The following KCND2 variants were observed in gnomAD, a reference collection of about 807,000 sequenced individuals.
KCND2 encodes the protein potassium voltage-gated channel subfamily D member 2.
A neutral mutation model predicts 54.4 loss-of-function variants in KCND2; 16 were observed. The observed-to-expected ratio is 0.29, with a 90% CI of 0.20 to 0.45. The LOEUF (loss-of-function observed/expected upper bound fraction) is 0.45, where lower values mean the gene tolerates loss of function less well. Ranked by LOEUF, KCND2 falls within the 20% of genes least tolerant of loss-of-function variation. The pLI is 1.00. For missense variants in KCND2, 486 were observed against 824.2 expected (o/e 0.59, Z 5.02); for synonymous variants, 317 against 310.7 (o/e 1.02, Z -0.21).
At chr7:120,679,471 T>C (rs1792113199) in intron 1 of KCND2, among the ~76,000 whole-genome samples, 2 of 151,904 alleles carry the variant, frequency 1.3e-5, no homozygotes, top group South Asian at 4.1e-4. Flanking sequence ...ATTAAAATGG[T>C]TTAATCTTTT....
At chr7:120,715,260 GA>G (rs1033854496) in intron 1 of KCND2, among the ~76,000 whole-genome samples, 7 of 149,358 alleles carry the variant, frequency 4.7e-5, no homozygotes, top group Admixed American at 6.7e-5. Flanking sequence ...GATTAATTCC[GA>G]AAAAAAAATA....
intron 1 of KCND2, among the ~76,000 whole-genome samples, chr7:120,470,407 A>G (rs970255375): frequency 6.6e-6 from 1 of 152,124 alleles, no homozygotes; most frequent in African/African-American, 2.4e-5. Context: ...ACTTTAACAT[A>G]GTGTGCCTTG....
rs751909741 is a variant in KCND2 at position 120,622,689 on chromosome 7, ACTCT to A, written c.1116-110190_1116-110187del. On this transcript the variant is annotated intron_variant, in intron 1 of 5. Transcript: ENST00000331113. ...TACACACACACACACACACACACAC[ACTCT>A]CTCTCTCTCTCTCTCTCTCTCTCAC... Among the ~76,000 whole-genome samples the A allele has an allele frequency of 5.7e-3, 718 of 125,926 alleles. 5 individuals are homozygous for A. The highest frequency in any genetic ancestry group is 0.053 in the Middle Eastern group (14 of 264). 82.6% of individuals were successfully genotyped at this position (125,926 alleles called of 152,430 possible).
intron 1 of KCND2, among the ~76,000 whole-genome samples, chr7:120,439,504 T>C (rs1801918814): frequency 6.6e-6 from 1 of 152,120 alleles, no homozygotes; most frequent in Admixed American, 6.5e-5. Flanking sequence ...TTTCTTTGTA[T>C]TGGGCACATT....
chr7:120,557,098 C>T (rs1386845958), intron 1 of KCND2, among the ~76,000 whole-genome samples: 6 of 152,106 alleles, frequency 3.9e-5, no homozygotes, highest in African/African-American at 1.2e-4. Flanking sequence ...ATGAGAAATG[C>T]TTATCAAAAC....
intron 1 of KCND2, among the ~76,000 whole-genome samples, chr7:120,277,755 A>G (rs1346530208): frequency 6.6e-6 from 1 of 151,964 alleles, no homozygotes; most frequent in Non-Finnish European, 1.5e-5. Context: ...AAAATATGAG[A>G]CAACATTAAA....
rs147384781 is a variant in KCND2 at position 120,508,958 on chromosome 7, G to A, written c.1116-223945G>A. Among the ~76,000 whole-genome samples, 1,208 of 147,488 alleles carry A rather than the reference G, an allele frequency of 8.2e-3. 9 individuals carry two copies. Among genetic ancestry groups the A allele is most frequent in the South Asian group, 0.027 (128 of 4,778 alleles). ...TGAACAGACTGCTTTGCCCTCAGCTGCACCATTTCCAGAGACTGGTGCTGA... is the reference window on the plus strand; with the variant it reads ...TGAACAGACTGCTTTGCCCTCAGCTACACCATTTCCAGAGACTGGTGCTGA... On this transcript the variant is annotated intron_variant, in intron 1 of 5. Coordinates refer to ENST00000331113, the MANE Select transcript of KCND2 (RefSeq NM_012281.3).
intron 1 of KCND2, among the ~76,000 whole-genome samples, chr7:120,697,600 T>G (rs1267251292): frequency 6.6e-6 from 1 of 152,102 alleles, no homozygotes. Flanking sequence ...CATAAAAACA[T>G]GAAAGGATAT....
chr7:120,400,587 A>G (rs1563033970), intron 1 of KCND2, among the ~76,000 whole-genome samples: 3 of 148,102 alleles, frequency 2.0e-5, no homozygotes, highest in Non-Finnish European at 4.4e-5. Context: ...AATAAAGTAA[A>G]TAATTATTTA....
intron 1 of KCND2, among the ~76,000 whole-genome samples, chr7:120,507,534 T>G (rs1169215829): frequency 6.6e-6 from 1 of 151,946 alleles, no homozygotes; most frequent in East Asian, 1.9e-4. Context: ...ATTTTCCTTA[T>G]GGAATGTGAA....
intron 1 of KCND2, among the ~76,000 whole-genome samples, chr7:120,303,704 A>T (rs751981844): frequency 7.2e-5 from 11 of 152,126 alleles, no homozygotes; most frequent in Non-Finnish European, 1.2e-4. Flanking sequence ...TGCTCTCCTA[A>T]TCATCCTTAT....
Position 120,686,061 on chromosome 7 carries a change from A to G in KCND2, c.1116-46842A>G, listed in dbSNP as rs901294287. On this transcript the variant is annotated intron_variant, in intron 1 of 5. Coordinates refer to ENST00000331113, the MANE Select transcript of KCND2 (RefSeq NM_012281.3). ...TTCTCTCTGGCAAAGAAAGGCATTA[A>G]TACTTAAGGGGTATACCTAAGGATA... Among the ~76,000 whole-genome samples the G allele has an allele frequency of 1.8e-4, 28 of 152,202 alleles. 2 individuals are homozygous for G.
In KCND2 at chr7:120,275,284, G is replaced by C. The variant is rs1584706614; in HGVS notation, c.652G>C (p.Glu218Gln). 1 of 1,613,904 alleles carries C rather than the reference G, an allele frequency of 6.2e-7. No homozygotes were observed. The highest frequency in any genetic ancestry group is 8.5e-7 in the Non-Finnish European group (1 of 1,179,986). ...CGGATCAAGCCCAGGTCACATTAAAGAACTGCCCTGTGGAGAGCGGTATGC... is the reference window on the plus strand; with the variant it reads ...CGGATCAAGCCCAGGTCACATTAAACAACTGCCCTGTGGAGAGCGGTATGC... The part of the protein sequence containing the change: ...PCGSSPGHIK[E>Q]LPCGERYAVA... The change falls in exon 1 of 6, where the codon GAA (glutamate) becomes CAA (glutamine). Residue 218 changes from glutamate (E) to glutamine (Q), a missense_variant. Physicochemically the swap from Glu to Gln is conservative, Grantham distance 29 (BLOSUM62 2). Coordinates refer to ENST00000331113, the MANE Select transcript of KCND2 (RefSeq NM_012281.3).
intron 1 of KCND2, among the ~76,000 whole-genome samples, chr7:120,507,565 C>T (rs1178131219): frequency 6.6e-6 from 1 of 151,846 alleles, no homozygotes; most frequent in Non-Finnish European, 1.5e-5. Context: ...GCTCTTCCTC[C>T]TTCGTCTTGG....
chr7:120,498,694 G>A (rs989364935), intron 1 of KCND2, among the ~76,000 whole-genome samples: 2 of 152,098 alleles, frequency 1.3e-5, no homozygotes, highest in African/African-American at 4.8e-5. Context: ...AGAATCGCTT[G>A]AACCCAGGAG....
At chr7:120,364,957 A>T (rs1349840167) in intron 1 of KCND2, among the ~76,000 whole-genome samples, 2 of 152,076 alleles carry the variant, frequency 1.3e-5, no homozygotes, top group Non-Finnish European at 2.9e-5. Context: ...CAAAAAGATT[A>T]TAAGAAACAA....
chr7:120,400,295 G>C (rs1417241764), intron 1 of KCND2, among the ~76,000 whole-genome samples: 1 of 152,088 alleles, frequency 6.6e-6, no homozygotes, highest in Non-Finnish European at 1.5e-5. Flanking sequence ...AGGCTCCTTG[G>C]AGAAAATTTT....
intron 1 of KCND2, among the ~76,000 whole-genome samples, chr7:120,582,713 T>C (rs556894491): frequency 9.0e-4 from 137 of 152,306 alleles, no homozygotes; most frequent in Non-Finnish European, 1.6e-3. Flanking sequence ...GATATATAAT[T>C]AAATAATTCT....
chr7:120,443,891 T>G (rs1801981668), intron 1 of KCND2, among the ~76,000 whole-genome samples: 1 of 152,086 alleles, frequency 6.6e-6, no homozygotes, highest in Non-Finnish European at 1.5e-5. Context: ...TCTCAGTCAT[T>G]GTGACAACCA....
Sources: gnomAD v4.1 joint callset for allele counts (sites outside exome capture counted in the v4.1 genomes callset) on GRCh38, gnomAD v4.1.1 for gene constraint, MANE v1.5 for transcripts, NCBI Gene and HGNC (gene_info 2026-07-23, HGNC 2026-07-21) for gene names.